The following GSDME variants were observed in gnomAD, a reference collection of about 807,000 sequenced individuals.
The protein encoded by GSDME is gasdermin E.
GSDME carries 44 observed loss-of-function variants against 47.5 expected under a neutral mutation model. The observed-to-expected ratio is 0.93, with a 90% CI of 0.73 to 1.19. GSDME has a LOEUF of 1.19. Among genes scored for constraint, GSDME ranks in the 50% most tolerant of loss-of-function variants. GSDME has a pLI of 0.00. For missense variants in GSDME, 663 were observed against 604.2 expected, an observed-to-expected ratio of 1.10 and a Z score of -1.02; for synonymous variants, 258 against 252.8, an observed-to-expected ratio of 1.02 and a Z score of -0.20.
At chr7:24,780,794 G>C in the GSDME span, among the ~76,000 whole-genome samples, 1 of 152,236 alleles carries the variant, frequency 6.6e-6, no homozygotes, top group African/African-American at 2.4e-5. The surrounding 1 kb of genome is among the most constrained non-coding windows in gnomAD (Gnocchi z 4.1). Context: ...TAGATGGCAT[G>C]CTGCCTCTTC....
intron 7 of GSDME, chr7:24,707,249 A>T (rs1584051084): frequency 2.1e-6 from 1 of 466,658 alleles, no homozygotes; most frequent in East Asian, 7.0e-5. Flanking sequence ...GCATAATATA[A>T]TAGAAAAACA....
chr7:24,744,449 A>G lies in GSDME; in HGVS notation c.404+113T>C, dbSNP rs1447987560. ...ATTTCAACACAAGCGCATTCAATAC[A>G]TGTTTATTGATCGGCAGAGATCAAA... On this transcript the variant is annotated intron_variant, in intron 3 of 9. Coordinates refer to ENST00000645220, the MANE Select transcript of GSDME (RefSeq NM_001127453.2). This position sits in a 1 kb window ranked among gnomAD's most constrained non-coding sequence, Gnocchi z 4.5. 5 of 1,161,422 alleles carry G rather than the reference A, an allele frequency of 4.3e-6. No homozygotes were observed. Among genetic ancestry groups the G allele is most frequent in the Non-Finnish European group, 6.4e-6 (5 of 778,658 alleles). The allele number at this position is 1,161,422 out of a possible 1,614,324, so 71.9% of individuals were successfully genotyped here.
At position 24,756,819 on chromosome 7, in the gene GSDME, C is replaced by T. The variant is rs1791032722; in HGVS notation, c.-20+577G>A. Among the ~76,000 whole-genome samples, 1 of 152,180 alleles carries T rather than the reference C, an allele frequency of 6.6e-6. No homozygotes were observed. The highest frequency in any genetic ancestry group is 1.5e-5 in the Non-Finnish European group (1 of 68,038). ...CTCTTGAGAGCCATTCCAGCGCATG[C>T]CAGGCACACCGAGTGGGGCTTGGCC... On this transcript the variant is annotated intron_variant, in intron 1 of 9. Transcript: ENST00000645220. The surrounding 1 kb of genome is among the most constrained non-coding windows in gnomAD (Gnocchi z 4.2).
At position 24,728,675 on chromosome 7, in the gene GSDME, G is replaced by A. The variant is rs142903455; in HGVS notation, c.405-9457C>T. Reference sequence around the variant, plus strand: ...GAGAGCTTCCCAGAGTCAGGAAGTGGATCCTCTTGGAAACGAAAGCAGCCG... The same window carrying A: ...GAGAGCTTCCCAGAGTCAGGAAGTGAATCCTCTTGGAAACGAAAGCAGCCG... On this transcript the variant is annotated intron_variant, in intron 3 of 9. Transcript: ENST00000645220. The surrounding 1 kb of genome is among the most constrained non-coding windows in gnomAD (Gnocchi z 7.2). Among the ~76,000 whole-genome samples, 427 of 152,280 alleles carry A rather than the reference G, an allele frequency of 2.8e-3. 3 individuals are homozygous for A. Among genetic ancestry groups the A allele is most frequent in the African/African-American group, 9.8e-3 (406 of 41,552 alleles).
At chr7:24,761,787 GAAAC>G (rs1219717107), upstream of GSDME, among the ~76,000 whole-genome samples, 2 of 152,162 alleles carry the variant, frequency 1.3e-5, no homozygotes, top group Admixed American at 6.5e-5. This position sits in a 1 kb window ranked among gnomAD's most constrained non-coding sequence, Gnocchi z 4.4. Flanking sequence ...TCAAGAAAAA[GAAAC>G]AAGGCAGAAG....
chr7:24,766,183 T>G, the GSDME span, among the ~76,000 whole-genome samples: 53 of 144,518 alleles, frequency 3.7e-4, no homozygotes, highest in Non-Finnish European at 6.8e-4. The surrounding 1 kb of genome is among the most constrained non-coding windows in gnomAD (Gnocchi z 4.2). Context: ...ATTACATTAT[T>G]TGTGTGTGTG....
the GSDME span, among the ~76,000 whole-genome samples, chr7:24,779,647 G>A: frequency 6.6e-6 from 1 of 152,178 alleles, no homozygotes; most frequent in African/African-American, 2.4e-5. This position sits in a 1 kb window ranked among gnomAD's most constrained non-coding sequence, Gnocchi z 6.0. Context: ...GTATCAAGAC[G>A]TGCAGAGGAA....
Position 24,724,096 on chromosome 7 carries a change from A to G in GSDME, c.405-4878T>C, listed in dbSNP as rs780702574. Among the ~76,000 whole-genome samples the G allele has an allele frequency of 3.9e-5, 6 of 152,072 alleles. No individual in the cohort carries two copies. Among genetic ancestry groups the G allele is most frequent in the Non-Finnish European group, 7.4e-5 (5 of 68,016 alleles). On this transcript the variant is annotated intron_variant, in intron 3 of 9. Transcript: ENST00000645220. The surrounding 1 kb of genome is among the most constrained non-coding windows in gnomAD (Gnocchi z 4.8). ...GTGGTCGCCTCTTGGGTGGGGAACC[A>G]GATGGCGGGGAGGGGCTTTTCACCT...
Position 24,724,247 on chromosome 7 carries a change from C to T in GSDME, c.405-5029G>A, listed in dbSNP as rs1199517454. On this transcript the variant is annotated intron_variant, in intron 3 of 9. Coordinates refer to ENST00000645220, the MANE Select transcript of GSDME (RefSeq NM_001127453.2). This position sits in a 1 kb window ranked among gnomAD's most constrained non-coding sequence, Gnocchi z 4.8. ...AAGCTCCTGGAGGACAAAGTACTTG[C>T]TCTTTTTATTGGTGCCTAGCCCTGT... 6.6e-6 allele frequency among the ~76,000 whole-genome samples: 1 copy of T among 151,956 alleles called. No homozygotes were observed. Among genetic ancestry groups the T allele is most frequent in the African/African-American group, 2.4e-5 (1 of 41,350 alleles).
intron 9 of GSDME, among the ~76,000 whole-genome samples, chr7:24,701,472 T>A (rs1392874922): frequency 6.6e-6 from 1 of 151,428 alleles, no homozygotes; most frequent in Non-Finnish European, 1.5e-5. Context: ...ACAGAAGGGG[T>A]TAGATAACAG....
At chr7:24,718,916 A>G (rs948589325) in intron 4 of GSDME, 131 bp downstream of exon 4, 38 of 1,026,626 alleles carry the variant, frequency 3.7e-5, no homozygotes, top group Non-Finnish European at 5.2e-5. Context: ...ATTTAAGACA[A>G]CGTGAGTTGG....
At chr7:24,749,817 A>C (rs1046470052) in intron 1 of GSDME, 24 bp from the exon 2 acceptor site, 4 of 1,510,458 alleles carry the variant, frequency 2.6e-6, no homozygotes, top group Non-Finnish European at 3.7e-6. Flanking sequence ...GTTATCCTAA[A>C]ATCAAATAAG....
the GSDME span, among the ~76,000 whole-genome samples, chr7:24,783,217 A>C: frequency 6.6e-6 from 1 of 152,230 alleles, no homozygotes; most frequent in African/African-American, 2.4e-5. Flanking sequence ...GAGATTCCCA[A>C]GACCACACTC....
intron 9 of GSDME, among the ~76,000 whole-genome samples, chr7:24,700,605 T>A (rs1413097932): frequency 6.6e-6 from 1 of 152,218 alleles, no homozygotes; most frequent in African/African-American, 2.4e-5. Flanking sequence ...TAGCACTCAC[T>A]GGAATGTAAA....
Position 24,733,803 on chromosome 7 carries a change from C to A in GSDME, c.404+10759G>T, listed in dbSNP as rs1018271779. ...GATTTCTAAGGTTTCCAACTCGAGGCCCTGACTCCTGGACAGCATCTCTGG... is the reference window on the plus strand; with the variant it reads ...GATTTCTAAGGTTTCCAACTCGAGGACCTGACTCCTGGACAGCATCTCTGG... On this transcript the variant is annotated intron_variant, in intron 3 of 9. Transcript: ENST00000645220. This position sits in a 1 kb window ranked among gnomAD's most constrained non-coding sequence, Gnocchi z 4.3. 6.6e-6 allele frequency among the ~76,000 whole-genome samples: 1 copy of A among 152,160 alleles called. No homozygotes were observed. Among genetic ancestry groups the A allele is most frequent in the Non-Finnish European group, 1.5e-5 (1 of 68,036 alleles).
intron 6 of GSDME, among the ~76,000 whole-genome samples, 184 bp from the exon 7 acceptor site, chr7:24,708,438 AAC>A (rs776800455): frequency 4.6e-5 from 7 of 152,214 alleles, no homozygotes; most frequent in Non-Finnish European, 7.3e-5. Flanking sequence ...ATTTTTCAAT[AAC>A]CAAAGGGAGG....
the GSDME span, among the ~76,000 whole-genome samples, chr7:24,766,510 G>A: frequency 6.6e-6 from 1 of 151,962 alleles, no homozygotes; most frequent in East Asian, 1.9e-4. The surrounding 1 kb of genome is among the most constrained non-coding windows in gnomAD (Gnocchi z 4.2). Context: ...GTGTCCATGT[G>A]TTCTCATTGT....
chr7:24,746,183 T>C (rs1790661696), intron 2 of GSDME, among the ~76,000 whole-genome samples: 1 of 152,242 alleles, frequency 6.6e-6, no homozygotes, highest in South Asian at 2.1e-4. Context: ...AATCATCTCC[T>C]GTACCACCAG....
intron 5 of GSDME, 65 bp downstream of exon 5, chr7:24,717,189 C>T (rs1584067026): frequency 5.7e-6 from 7 of 1,238,788 alleles, no homozygotes; most frequent in Non-Finnish European, 7.7e-6. Context: ...GGAAAGCAGT[C>T]AAGTCCCTCT....
Sources: allele counts gnomAD v4.1 joint callset (sites outside exome capture counted in the v4.1 genomes callset), GRCh38; gene constraint gnomAD v4.1.1; non-coding constraint Gnocchi (gnomAD v3.1); transcripts MANE v1.5; gene names NCBI Gene and HGNC (gene_info 2026-07-23, HGNC 2026-07-21).